The following IPO11 variants were observed in gnomAD, a reference collection of about 807,000 sequenced individuals.
IPO11 encodes importin-11.
Under a neutral mutation model 143.2 loss-of-function variants are expected in IPO11, and 66 were observed. That is an observed-to-expected ratio of 0.46 (90% confidence interval 0.38 to 0.57). The LOEUF is 0.57. Ranked by LOEUF, IPO11 falls within the 20% of genes least tolerant of loss-of-function variation. The pLI is 0.00. For synonymous variants in IPO11, 385 were observed against 377.8 expected, an observed-to-expected ratio of 1.02 and a Z score of -0.22; for missense variants, 1,026 against 1,141.0, an observed-to-expected ratio of 0.90 and a Z score of 1.45.
At chr5:62,540,250 C>T (rs1264489854) in intron 24 of IPO11, among the ~76,000 whole-genome samples, 2 of 151,842 alleles carry the variant, frequency 1.3e-5, no homozygotes, top group African/African-American at 4.9e-5. Context: ...ACTTTTATGG[C>T]TCCTGAGTAT....
At position 62,603,960 on chromosome 5, in the gene IPO11, G is replaced by A. The variant is rs527385395; in HGVS notation, c.2763+2112G>A. Reference sequence around the variant, plus strand: ...GATACACAGATACTACTTGGTTACAGTTGCCTACAGTATTCGCTACAGTAA... The same window carrying A: ...GATACACAGATACTACTTGGTTACAATTGCCTACAGTATTCGCTACAGTAA... On this transcript the variant is annotated intron_variant, in intron 29 of 29. Transcript: ENST00000325324. Among the ~76,000 whole-genome samples the A allele has an allele frequency of 3.3e-5, 5 of 152,268 alleles. 1 individual carries two copies. The South Asian group carries it at 1.0e-3, about 32-fold the overall frequency.
At chr5:62,616,593 C>T (rs899148440) in intron 29 of IPO11, among the ~76,000 whole-genome samples, 1 of 151,410 alleles carries the variant, frequency 6.6e-6, no homozygotes, top group Non-Finnish European at 1.5e-5. Flanking sequence ...GGTGGCATGC[C>T]CCTGTAGTCC....
At chr5:62,441,885 C>T (rs1379201560) in intron 2 of IPO11, among the ~76,000 whole-genome samples, 2 of 150,286 alleles carry the variant, frequency 1.3e-5, no homozygotes, top group Non-Finnish European at 3.0e-5. Context: ...CTCACTCTGT[C>T]ACCAGGTTGG....
intron 27 of IPO11, chr5:62,576,370 T>G (rs1226705015): frequency 1.3e-5 from 2 of 152,268 alleles, no homozygotes; most frequent in Non-Finnish European, 2.9e-5. Context: ...ATTTCACATT[T>G]TCATTCTCTT....
intron 24 of IPO11, among the ~76,000 whole-genome samples, chr5:62,540,125 T>C (rs1469522284): frequency 6.6e-6 from 1 of 152,184 alleles, no homozygotes; most frequent in African/African-American, 2.4e-5. Context: ...AGTAAGTGAC[T>C]TGAAAGACAA....
At chr5:62,529,952 G>A (rs149827388) in intron 21 of IPO11, among the ~76,000 whole-genome samples, 3 of 152,174 alleles carry the variant, frequency 2.0e-5, no homozygotes, top group East Asian at 3.9e-4. Context: ...CCATGTATAC[G>A]TATTATATTA....
chr5:62,469,675 C>T (rs1269729786), intron 6 of IPO11, among the ~76,000 whole-genome samples: 1 of 152,142 alleles, frequency 6.6e-6, no homozygotes, highest in Admixed American at 6.5e-5. Context: ...AGTAGTATTA[C>T]AACTGTAGAC....
intron 24 of IPO11, among the ~76,000 whole-genome samples, chr5:62,548,441 G>T (rs547786385): frequency 6.6e-6 from 1 of 152,084 alleles, no homozygotes; most frequent in South Asian, 2.1e-4. Flanking sequence ...TTAGAATGAG[G>T]TGCCGTAATG....
intron 26 of IPO11, among the ~76,000 whole-genome samples, chr5:62,552,498 G>A (rs1743423416): frequency 6.8e-6 from 1 of 147,792 alleles, no homozygotes; most frequent in African/African-American, 2.5e-5. Flanking sequence ...TTAAAGTAGA[G>A]ATGAGGTCTT....
chr5:62,564,712 A>G (rs543006935), intron 27 of IPO11, among the ~76,000 whole-genome samples: 2 of 152,116 alleles, frequency 1.3e-5, no homozygotes, highest in African/African-American at 4.8e-5. Flanking sequence ...TGAAAATATC[A>G]TCAGACATTG....
rs1741982398 is a variant in IPO11, at chr5:62,515,483, A to C, written c.1878A>C (p.Thr626=). The change falls in exon 20 of 30, where the codon ACA becomes ACC. Residue 626 remains threonine, a synonymous_variant. Transcript: ENST00000325324. ...TGTTGAGATGTGCTATTTTGACAAC[A>C]CTTATTCATCTTGTTCAGGTAAGTC... ...HNMLRCAILT[T]LIHLVQGLGA... is the part of the protein sequence containing the mutation. 1 of 1,603,022 alleles carries C rather than the reference A, an allele frequency of 6.2e-7. No individual in the cohort carries two copies. The highest frequency in any genetic ancestry group is 8.5e-7 in the Non-Finnish European group (1 of 1,175,818).
At chr5:62,601,466 G>T in intron 28 of IPO11, 1 of 210,776 alleles carries the variant, frequency 4.7e-6, no homozygotes, top group Non-Finnish European at 9.3e-6. Context: ...GTGTATACAT[G>T]CATTACTTTG....
chr5:62,525,546 G>A (rs115044635), intron 20 of IPO11, among the ~76,000 whole-genome samples: 1 of 152,030 alleles, frequency 6.6e-6, no homozygotes, highest in Non-Finnish European at 1.5e-5. Context: ...ACCATGCTTG[G>A]CTAACTTTTA....
rs765061539 is a variant in IPO11 at position 62,550,432 on chromosome 5, C to G, written c.2316C>G (p.Pro772=). ...LGPQMFQPIL[P]YVFKGIIEGE... ...CACAAATGTTTCAACCGATTTTACC[C>G]TATGTTTTCAAGGGTATTATAGAAG... Residue 772 remains proline (P), a synonymous_variant, in exon 25 of 30, where the codon CCC becomes CCG. Transcript: ENST00000325324. The G allele has an allele frequency of 1.2e-6, 2 of 1,612,702 alleles. No individual in the cohort carries two copies. The highest frequency in any genetic ancestry group is 2.7e-5 in the African/African-American group (2 of 74,864).
At chr5:62,496,733 A>G (rs1158401290) in intron 16 of IPO11, among the ~76,000 whole-genome samples, 1 of 152,250 alleles carries the variant, frequency 6.6e-6, no homozygotes, top group Non-Finnish European at 1.5e-5. Context: ...ATATAAACAT[A>G]TACACAAACA....
chr5:62,625,794 T>C (rs920158594), intron 29 of IPO11, among the ~76,000 whole-genome samples: 3 of 152,234 alleles, frequency 2.0e-5, no homozygotes, highest in African/African-American at 4.8e-5. Flanking sequence ...TAGACACTTA[T>C]ATAAGCTAAT....
chr5:62,477,329 A>G (rs1026185607), intron 9 of IPO11, among the ~76,000 whole-genome samples: 5 of 152,214 alleles, frequency 3.3e-5, no homozygotes, highest in Non-Finnish European at 7.4e-5. Flanking sequence ...TTGCACTAAA[A>G]TAGGTACTTG....
At chr5:62,422,154 A>G (rs762076500) in intron 1 of IPO11, among the ~76,000 whole-genome samples, 2 of 152,000 alleles carry the variant, frequency 1.3e-5, no homozygotes, top group Admixed American at 6.6e-5. Context: ...TTGAGATGGA[A>G]TCTTGCTTGT....
chr5:62,542,079 T>A (rs1319900438), intron 24 of IPO11, among the ~76,000 whole-genome samples: 2 of 151,932 alleles, frequency 1.3e-5, no homozygotes, highest in Non-Finnish European at 2.9e-5. Flanking sequence ...TTTTTTTTAT[T>A]TTTTTATTTT....
Sources: allele counts gnomAD v4.1 joint callset (sites outside exome capture counted in the v4.1 genomes callset), GRCh38; gene constraint gnomAD v4.1.1; transcripts MANE v1.5; gene names NCBI Gene and HGNC (gene_info 2026-07-23, HGNC 2026-07-21).